Variants in ZPR1 observed in about 807,000 individuals in gnomAD.
ZPR1 encodes the protein zinc finger protein ZPR1.
ZPR1 carries 37 observed loss-of-function variants against 59.6 expected under a neutral mutation model. The ratio of observed to expected loss-of-function variants is 0.62; its 90% CI spans 0.48 to 0.82. The LOEUF is 0.82. Among genes scored for constraint, ZPR1 ranks in the 40% least tolerant of loss-of-function variants. ZPR1 has a pLI of 0.00. For missense variants in ZPR1, 527 were observed against 579.9 expected (o/e 0.91, Z 0.94); for synonymous variants, 191 against 215.2 (o/e 0.89, Z 0.99).
intron 13 of ZPR1, 74 bp from the exon 14 acceptor site, chr11:116,779,133 C>T (rs1316575767): frequency 6.3e-6 from 10 of 1,581,970 alleles, no homozygotes; most frequent in Non-Finnish European, 7.7e-6. Context: ...CAATTCCCAC[C>T]TTCCCAAGAA....
chr11:116,779,413 C>G (rs973547705), intron 13 of ZPR1, among the ~76,000 whole-genome samples: 3 of 152,204 alleles, frequency 2.0e-5, no homozygotes, highest in South Asian at 2.1e-4. Flanking sequence ...ACCAGACTCT[C>G]TCCTCAGTCA....
At chr11:116,785,258 T>C (rs1468743334) in intron 6 of ZPR1, 112 bp from the exon 7 acceptor site, 3 of 1,255,666 alleles carry the variant, frequency 2.4e-6, no homozygotes, top group Non-Finnish European at 3.4e-6. Flanking sequence ...TTATGTCAGG[T>C]GCCACCTCAT....
intron 2 of ZPR1, 137 bp from the exon 3 acceptor site, chr11:116,787,196 T>A: frequency 1.3e-6 from 1 of 796,346 alleles, no homozygotes; most frequent in South Asian, 1.6e-5. Flanking sequence ...TCCAGACTGC[T>A]CCTTTCGAAT....
chr11:116,787,146 C>T, intron 2 of ZPR1, 87 bp from the exon 3 acceptor site: 5 of 1,212,580 alleles, frequency 4.1e-6, no homozygotes, highest in Non-Finnish European at 6.1e-6. Context: ...TTCCATCAGA[C>T]CGCAGCCCAG....
At position 116,785,963 on chromosome 11, in the gene ZPR1, T is replaced by G; in HGVS notation, c.496-81A>C. Reference sequence around the variant, plus strand: ...CCTTGTCATGCCCATGTTACTTCCATTAGGAAGTCACCACCTATCTCAGTG... The same window carrying G: ...CCTTGTCATGCCCATGTTACTTCCAGTAGGAAGTCACCACCTATCTCAGTG... On this transcript the variant is annotated intron_variant, in intron 4 of 13. Transcript: ENST00000227322. 3 of 1,212,414 alleles carry G rather than the reference T, an allele frequency of 2.5e-6. No individual in the cohort carries two copies. The South Asian group carries it at 3.6e-5, about 15-fold the overall frequency. The allele number at this position is 1,212,414 out of a possible 1,614,324, so 75.1% of individuals were successfully genotyped here.
In ZPR1 at chr11:116,778,883, A is replaced by G; in HGVS notation, c.*42T>C. On this transcript the variant is annotated 3_prime_UTR_variant, in exon 14 of 14. Transcript: ENST00000227322. ...CATCCAATACTAATAAATAACCTACAGAAAGAGCAGCGCTGGAGGCTGGCC... is the reference window on the plus strand; with the variant it reads ...CATCCAATACTAATAAATAACCTACGGAAAGAGCAGCGCTGGAGGCTGGCC... 2 of 1,601,780 alleles carry G rather than the reference A, an allele frequency of 1.2e-6. No individual in the cohort carries two copies. Among genetic ancestry groups the G allele is most frequent in the Admixed American group, 1.7e-5 (1 of 58,010 alleles).
Position 116,778,917 on chromosome 11 carries a change from A to T in ZPR1, c.*8T>A, listed in dbSNP as rs528542686. ...AGCGCTGGAGGCTGGCCCTTGAGCC[A>T]CCCACTGCTACCGTTGCGGAGCCAG... On this transcript the variant is annotated 3_prime_UTR_variant, in exon 14 of 14. Coordinates refer to ENST00000227322, the MANE Select transcript of ZPR1 (RefSeq NM_003904.5). 71 of 1,613,308 alleles carry T rather than the reference A, an allele frequency of 4.4e-5. No homozygotes were observed. In the East Asian group the frequency reaches 1.5e-3, roughly 34 times the overall value.
Position 116,778,929 on chromosome 11 carries a change from C to T in ZPR1, c.1376G>A (p.Arg459Gln), listed in dbSNP as rs148642555. ...EGYEAGLAPQ[R>Q] ...TGGCCCTTGAGCCACCCACTGCTAC[C>T]GTTGCGGAGCCAGGCCTGCCTCATA... is the stretch of plus-strand genomic sequence containing the variant. The change falls in exon 14 of 14, where the codon CGG becomes CAG. Residue 459 changes from arginine (R) to glutamine (Q), a missense_variant. Transcript: ENST00000227322. The T allele has an allele frequency of 1.5e-5, 25 of 1,613,588 alleles. No individual in the cohort carries two copies. In the African/African-American group the frequency reaches 2.7e-4, roughly 17 times the overall value.
chr11:116,784,735 T>C, intron 8 of ZPR1, 120 bp downstream of exon 8: 1 of 1,076,012 alleles, frequency 9.3e-7, no homozygotes, highest in South Asian at 1.4e-5. Context: ...TCAAAGATAA[T>C]ATCTTCCTTA....
intron 1 of ZPR1, 48 bp from the exon 2 acceptor site, chr11:116,787,691 T>G: frequency 6.3e-7 from 1 of 1,584,270 alleles, no homozygotes; most frequent in Non-Finnish European, 8.6e-7. Context: ...GAAACTCCCT[T>G]TCCCCGCCCT....
At chr11:116,787,380 TA>T in intron 2 of ZPR1, 101 bp downstream of exon 2, 2 of 1,213,234 alleles carry the variant, frequency 1.6e-6, no homozygotes, top group Non-Finnish European at 2.3e-6. Flanking sequence ...CTAGGAGACA[TA>T]GGGGGATTTA....
chr11:116,782,168 T>C lies in ZPR1; in HGVS notation c.1169A>G (p.Lys390Arg), dbSNP rs1389205998. ...QTERLQEFSQKMDQIIEGNMK... is the reference protein window; with the variant it reads ...QTERLQEFSQRMDQIIEGNMK... ...CCAGTGACCTCTTACCTGGTCCATC[T>C]TCTGGCTAAACTCCTGTAGTCTCTC... Residue 390 changes from lysine (K) to arginine (R), a missense_variant, in exon 12 of 14, where the codon AAG becomes AGG. Lys to Arg is a conservative substitution (Grantham distance 26). Transcript: ENST00000227322. The C allele has an allele frequency of 1.2e-6, 2 of 1,614,130 alleles. No homozygotes were observed. The highest frequency in any genetic ancestry group is 2.2e-5 in the South Asian group (2 of 91,078).
Position 116,785,042 on chromosome 11 carries a change from G to C in ZPR1, c.753+57C>G, listed in dbSNP as rs532621315. 2.3e-5 allele frequency: 37 copies of C among 1,607,238 alleles called. No individual in the cohort carries two copies. In the South Asian group the frequency reaches 3.9e-4, roughly 17 times the overall value. Reference sequence around the variant, plus strand: ...TGACAAGGAAGACAGATGCTGAACAGCATCAGTCTCAGCCCACAACTCTGC... The same window carrying C: ...TGACAAGGAAGACAGATGCTGAACACCATCAGTCTCAGCCCACAACTCTGC... On this transcript the variant is annotated intron_variant, in intron 7 of 13. Coordinates refer to ENST00000227322, the MANE Select transcript of ZPR1 (RefSeq NM_003904.5).
chr11:116,785,717 C>T lies in ZPR1; in HGVS notation c.582+79G>A, dbSNP rs1940875780. The T allele has an allele frequency of 3.7e-6, 6 of 1,612,062 alleles. No individual in the cohort carries two copies. The Admixed American group carries it at 5.0e-5, about 13-fold the overall frequency. On this transcript the variant is annotated intron_variant, in intron 5 of 13. Coordinates refer to ENST00000227322, the MANE Select transcript of ZPR1 (RefSeq NM_003904.5). ...ATCACCTACTATCAGACCACGCAGG[C>T]ATCACAGTGGAAAATCCCAGCAGTC...
chr11:116,776,509 G>A lies in ZPR1; in HGVS notation c.*2416C>T, dbSNP rs1038280309. The A allele has an allele frequency of 3.3e-5, 5 of 152,208 alleles. No homozygotes were observed. Among genetic ancestry groups the A allele is most frequent in the African/African-American group, 1.2e-4 (5 of 41,450 alleles). The allele number at this position is 152,208 out of a possible 1,614,324, so 9.4% of individuals were successfully genotyped here. A position where few individuals can be genotyped will look rare whatever the true frequency, so the allele number is the denominator to read the frequency against. On this transcript the variant is annotated 3_prime_UTR_variant, in exon 14 of 14. Coordinates refer to ENST00000227322, the MANE Select transcript of ZPR1 (RefSeq NM_003904.5). ...AAGCTCCCATCCTGACACACTTTATGAAATGAGAAAGGAGCTGAAAGATAA... is the reference window on the plus strand; with the variant it reads ...AAGCTCCCATCCTGACACACTTTATAAAATGAGAAAGGAGCTGAAAGATAA...
rs771547969 is a variant in ZPR1 at position 116,778,999 on chromosome 11, C to T, written c.1306G>A (p.Asp436Asn). The T allele has an allele frequency of 1.9e-6, 3 of 1,614,202 alleles. No individual in the cohort carries two copies. The highest frequency in any genetic ancestry group is 8.5e-7 in the Non-Finnish European group (1 of 1,180,038). ...TTGAGCCCTAGCTCCTCATTTTGGT[C>T]AAAGGTGCGCTTGTAACGCTCCACC... The part of the protein sequence containing the change: ...MKVERYKRTF[D>N]QNEELGLNDM... Residue 436 changes from aspartate to asparagine, a missense_variant, in exon 14 of 14, where the codon GAC (aspartate) becomes AAC (asparagine). Coordinates refer to ENST00000227322, the MANE Select transcript of ZPR1 (RefSeq NM_003904.5).
At chr11:116,783,807 CTGG>C in intron 9 of ZPR1, among the ~76,000 whole-genome samples, 188 bp from the exon 10 acceptor site, 1 of 151,160 alleles carries the variant, frequency 6.6e-6, no homozygotes, top group African/African-American at 2.4e-5. Flanking sequence ...GTGCCCAACC[CTGG>C]TAACGTGCCA....
chr11:116,774,305 A>G lies in ZPR1; in HGVS notation c.*4620T>C, dbSNP rs1940692468. 1 of 152,182 alleles carries G rather than the reference A, an allele frequency of 6.6e-6. No individual in the cohort carries two copies. The highest frequency in any genetic ancestry group is 2.1e-4 in the South Asian group (1 of 4,834). The allele number at this position is 152,182 out of a possible 1,614,324, so 9.4% of individuals were successfully genotyped here. A position where few individuals can be genotyped will look rare whatever the true frequency, so the allele number is the denominator to read the frequency against. On this transcript the variant is annotated 3_prime_UTR_variant, in exon 14 of 14. Transcript: ENST00000227322. ...ATTAGCTATAGTCAACATGTTGTAC[A>G]TTAGATTCCCAGAACTTGTCTTAAA...
intron 5 of ZPR1, 46 bp from the exon 6 acceptor site, chr11:116,785,682 A>G (rs759314613): frequency 1.2e-6 from 2 of 1,613,726 alleles, no homozygotes; most frequent in Non-Finnish European, 1.7e-6. Context: ...AAAATCATAA[A>G]CAATCCTACA....
Sources: gnomAD v4.1 joint callset for allele counts (sites outside exome capture counted in the v4.1 genomes callset) on GRCh38, gnomAD v4.1.1 for gene constraint, MANE v1.5 for transcripts, NCBI Gene and HGNC (gene_info 2026-07-23, HGNC 2026-07-21) for gene names.